CDC27: variants seen among roughly 807,000 people sequenced by gnomAD.
CDC27 encodes the protein cell division cycle protein 27 homolog.
In CDC27, 27 loss-of-function variants were observed where a neutral mutation model predicts 109.7. The ratio of observed to expected loss-of-function variants is 0.25; its 90% CI spans 0.18 to 0.34. The LOEUF is 0.34. Among genes scored for constraint, CDC27 ranks in the 10% least tolerant of loss-of-function variants. CDC27 has a pLI of 1.00. For missense variants in CDC27, 579 were observed against 960.2 expected, an observed-to-expected ratio of 0.60 and a Z score of 5.25; for synonymous variants, 266 against 333.9, an observed-to-expected ratio of 0.80 and a Z score of 2.22.
intron 14 of CDC27, among the ~76,000 whole-genome samples, chr17:47,136,891 C>T (rs1171690957): frequency 6.6e-6 from 1 of 152,162 alleles, no homozygotes; most frequent in Non-Finnish European, 1.5e-5. Context: ...AAAACAACTA[C>T]AGTATCTGCA....
At chr17:47,184,551 C>CA (rs1250411817) in intron 1 of CDC27, among the ~76,000 whole-genome samples, 1 of 151,570 alleles carries the variant, frequency 6.6e-6, no homozygotes, top group African/African-American at 2.4e-5. Flanking sequence ...GAGGCAAGGG[C>CA]GGGGGGAAAA....
chr17:47,137,100 A>T lies in CDC27; in HGVS notation c.1913+52T>A. 2 of 1,035,324 alleles carry T rather than the reference A, an allele frequency of 1.9e-6. 1 individual carries two copies. The highest frequency in any genetic ancestry group is 4.1e-5 in the South Asian group (2 of 48,326). The allele number at this position is 1,035,324 out of a possible 1,614,324, so 64.1% of individuals were successfully genotyped here. On this transcript the variant is annotated intron_variant, in intron 14 of 18. Coordinates refer to ENST00000066544, the MANE Select transcript of CDC27 (RefSeq NM_001256.6). ...GAGCTATCTAACAAGAAAAATTAGTAAGTACCAGCACCATCAATACGACTT... is the reference window on the plus strand; with the variant it reads ...GAGCTATCTAACAAGAAAAATTAGTTAGTACCAGCACCATCAATACGACTT...
intron 1 of CDC27, 106 bp downstream of exon 1, chr17:47,189,040 G>A: frequency 2.0e-6 from 3 of 1,517,290 alleles, no homozygotes; most frequent in Middle Eastern, 2.1e-4. Context: ...AGGGGAGGCG[G>A]GAGAAGCAGC....
chr17:47,124,812 G>T (rs757745638), intron 16 of CDC27, among the ~76,000 whole-genome samples: 3 of 152,102 alleles, frequency 2.0e-5, no homozygotes, highest in Non-Finnish European at 4.4e-5. Context: ...GGTAAATAAC[G>T]TCAAGATATT....
intron 10 of CDC27, among the ~76,000 whole-genome samples, chr17:47,143,108 G>A (rs866780595): frequency 2.5e-4 from 38 of 151,854 alleles, no homozygotes; most frequent in Admixed American, 3.3e-4. Flanking sequence ...AAGCAGCTGG[G>A]ATCAAAGAGT....
chr17:47,142,585 T>C (rs2062829169), intron 10 of CDC27, 149 bp from the exon 11 acceptor site: 1 of 496,046 alleles, frequency 2.0e-6, no homozygotes, highest in East Asian at 3.1e-5. Flanking sequence ...AACAAAGGTC[T>C]TCAAAGTCAT....
At chr17:47,159,534 C>T (rs576373382) in intron 4 of CDC27, 54 of 501,924 alleles carry the variant, frequency 1.1e-4, no homozygotes, top group Non-Finnish European at 1.5e-4. Context: ...TTGCAAGGGA[C>T]GGCGTAGGGC....
chr17:47,162,053 T>A (rs1404665832), intron 4 of CDC27: 1 of 152,214 alleles, frequency 6.6e-6, no homozygotes, highest in Non-Finnish European at 1.5e-5. Context: ...GTCAAGTTCA[T>A]CTTTTCTCCC....
At chr17:47,182,783 T>C (rs2072152946) in intron 1 of CDC27, among the ~76,000 whole-genome samples, 1 of 152,214 alleles carries the variant, frequency 6.6e-6, no homozygotes, top group Non-Finnish European at 1.5e-5. Context: ...GGGTTATTTC[T>C]AGGGTGTTTT....
chr17:47,145,309 A>T (rs1258052203), intron 9 of CDC27, among the ~76,000 whole-genome samples: 1 of 152,222 alleles, frequency 6.6e-6, no homozygotes, highest in African/African-American at 2.4e-5. Flanking sequence ...AAGCAGCCAG[A>T]ATTTGCAAGG....
At position 47,185,801 on chromosome 17, in the gene CDC27, A is replaced by G. The variant is rs1339842508; in HGVS notation, c.27+3345T>C. Among the ~76,000 whole-genome samples, 5 of 152,312 alleles carry G rather than the reference A, an allele frequency of 3.3e-5. No homozygotes were observed. The East Asian group carries it at 9.7e-4, about 29-fold the overall frequency. On this transcript the variant is annotated intron_variant, in intron 1 of 18. Transcript: ENST00000066544. ...AAAATCACTGTTGAAATTTCATATT[A>G]TACATTATAATTGAATTTCTAGGAT...
At chr17:47,167,074 C>G (rs1242357852) in intron 4 of CDC27, among the ~76,000 whole-genome samples, 1 of 152,232 alleles carries the variant, frequency 6.6e-6, no homozygotes, top group Non-Finnish European at 1.5e-5. Flanking sequence ...TGGCTGGTCT[C>G]AAATTCCCCA....
At chr17:47,129,914 T>A (rs2062266650) in intron 15 of CDC27, among the ~76,000 whole-genome samples, 1 of 152,204 alleles carries the variant, frequency 6.6e-6, no homozygotes, top group Non-Finnish European at 1.5e-5. Flanking sequence ...ATAAAAAAGA[T>A]CTGTACTATT....
At chr17:47,146,094 T>C (rs1307480057) in intron 9 of CDC27, among the ~76,000 whole-genome samples, 3 of 152,220 alleles carry the variant, frequency 2.0e-5, no homozygotes, top group Non-Finnish European at 4.4e-5. Context: ...GTAAACATAC[T>C]GATGCATTGG....
intron 9 of CDC27, among the ~76,000 whole-genome samples, chr17:47,145,418 T>C (rs1426023618): frequency 1.3e-5 from 2 of 152,056 alleles, no homozygotes; most frequent in Non-Finnish European, 2.9e-5. Flanking sequence ...AGTGTAGGTG[T>C]TTGAGTGTTA....
chr17:47,141,271 A>G (rs569439441), intron 12 of CDC27, among the ~76,000 whole-genome samples: 1 of 152,162 alleles, frequency 6.6e-6, no homozygotes, highest in African/African-American at 2.4e-5. Flanking sequence ...TTGGGGGTGG[A>G]GAAAATGCTT....
At position 47,189,210 on chromosome 17, in the gene CDC27, C is replaced by G. The variant is rs770879848; in HGVS notation, c.-38G>C. The G allele has an allele frequency of 2.6e-6, 4 of 1,563,866 alleles. No homozygotes were observed. Among genetic ancestry groups the G allele is most frequent in the South Asian group, 2.2e-5 (2 of 90,056 alleles). ...GGCCCACTTTCTGCAGTGCCTCAGG[C>G]CCCCCCTGTAGCGGCTCCGGCCCGG... On this transcript the variant is annotated 5_prime_UTR_variant, in exon 1 of 19. Transcript: ENST00000066544.
At chr17:47,121,926 G>A (rs2061994323) in intron 18 of CDC27, among the ~76,000 whole-genome samples, 1 of 151,922 alleles carries the variant, frequency 6.6e-6, no homozygotes, top group Non-Finnish European at 1.5e-5. Context: ...TTTTAGTAGA[G>A]ACGAGGTTTC....
In CDC27 at chr17:47,143,935, G is replaced by C. The variant is rs757560801; in HGVS notation, c.1118C>G (p.Ala373Gly). Residue 373 changes from alanine to glycine, a missense_variant, in exon 10 of 19, where the codon GCA becomes GGA. By Grantham distance (60) the Ala-to-Gly change is moderately conservative (BLOSUM62 0). Transcript: ENST00000066544. ...LSPTITSPPN[A>G]LPRRSSRLFT... ...GAGTCGTGAACTTCTTCGAGGCAGT[G>C]CGTTTGGGGGAGATGTAATAGTGGG... is the stretch of plus-strand genomic sequence containing the variant. 6.7e-7 allele frequency: 1 copy of C among 1,495,372 alleles called. No homozygotes were observed. Among genetic ancestry groups the C allele is most frequent in the Non-Finnish European group, 9.0e-7 (1 of 1,115,496 alleles). 92.6% of individuals were successfully genotyped at this position (1,495,372 alleles called of 1,614,324 possible).
Sources: allele counts gnomAD v4.1 joint callset (sites outside exome capture counted in the v4.1 genomes callset), GRCh38; gene constraint gnomAD v4.1.1; transcripts MANE v1.5; gene names NCBI Gene and HGNC (gene_info 2026-07-23, HGNC 2026-07-21).